The following SAMD12 variants were observed in gnomAD, a reference collection of about 807,000 sequenced individuals.
The protein encoded by SAMD12 is sterile alpha motif domain containing 12, also known as sterile alpha motif domain-containing protein 12.
In SAMD12, 9 loss-of-function variants were observed where a neutral mutation model predicts 15.0. That is an observed-to-expected ratio of 0.60 (90% confidence interval 0.36 to 1.05). The LOEUF (loss-of-function observed/expected upper bound fraction) is 1.05, where lower values mean the gene tolerates loss of function less well. Among genes scored for constraint, SAMD12 ranks in the 50% least tolerant of loss-of-function variants. The pLI is 0.01. For synonymous variants in SAMD12, 86 were observed against 90.1 expected (o/e 0.96, Z 0.25); for missense variants, 230 against 234.2 (o/e 0.98, Z 0.12).
chr8:118,205,946 C>A (rs765764242), intron 4 of SAMD12, among the ~76,000 whole-genome samples: 7 of 152,322 alleles, frequency 4.6e-5, no homozygotes, highest in African/African-American at 9.6e-5. Flanking sequence ...TGTATTTGCT[C>A]ACTTACTGTT....
intron 2 of SAMD12, among the ~76,000 whole-genome samples, chr8:118,580,180 T>C (rs886271483): frequency 2.0e-5 from 3 of 152,210 alleles, no homozygotes; most frequent in African/African-American, 7.2e-5. Context: ...TCAAGAGTCC[T>C]TCAAACAGTA....
At chr8:118,187,147 C>T (rs369860720), downstream of SAMD12, among the ~76,000 whole-genome samples, 1 of 152,158 alleles carries the variant, frequency 6.6e-6, no homozygotes, top group Non-Finnish European at 1.5e-5. Context: ...AGAAAGGGAA[C>T]ATCATCAACT....
In SAMD12 at chr8:118,531,154, C is replaced by A. The variant is rs147788094; in HGVS notation, c.192+49561G>T. On this transcript the variant is annotated intron_variant, in intron 2 of 3. Coordinates refer to ENST00000314727, the MANE Select transcript of SAMD12 (RefSeq NM_207506.3). ...TTTCAGCTTTCTACATATGGCTAGC[C>A]AGTTTTCCCAGCACCATTTATTCAA... Among the ~76,000 whole-genome samples, 594 of 152,306 alleles carry A rather than the reference C, an allele frequency of 3.9e-3. 3 individuals carry two copies. Among genetic ancestry groups the A allele is most frequent in the Middle Eastern group, 0.017 (5 of 294 alleles).
chr8:118,176,046 A>G, the SAMD12 span, among the ~76,000 whole-genome samples: 4 of 152,336 alleles, frequency 2.6e-5, no homozygotes, highest in South Asian at 8.3e-4. Context: ...TCACGCCTGC[A>G]ATCCCAGCGC....
At chr8:118,282,183 C>CTTT in intron 4 of SAMD12, 1 of 416,220 alleles carries the variant, frequency 2.4e-6, no homozygotes, top group Non-Finnish European at 4.7e-6. Flanking sequence ...GATTACTTCC[C>CTTT]TTTTTTCTTT....
the SAMD12 span, among the ~76,000 whole-genome samples, chr8:118,171,044 T>C: frequency 6.6e-6 from 1 of 152,184 alleles, no homozygotes; most frequent in African/African-American, 2.4e-5. Context: ...AAGGAAAATA[T>C]ACAAATGATC....
At chr8:118,188,564 CT>C (rs1226679530), downstream of SAMD12, among the ~76,000 whole-genome samples, 2 of 152,042 alleles carry the variant, frequency 1.3e-5, no homozygotes, top group Admixed American at 6.6e-5. Context: ...TGTCTCCTTT[CT>C]TTTTTATGCA....
chr8:118,567,431 T>C (rs758519120), intron 2 of SAMD12, among the ~76,000 whole-genome samples: 2 of 152,154 alleles, frequency 1.3e-5, no homozygotes, highest in African/African-American at 2.4e-5. Flanking sequence ...ATGTGTAGGG[T>C]TAATCCTTCC....
At chr8:118,589,697 A>G (rs539484502) in intron 1 of SAMD12, among the ~76,000 whole-genome samples, 1 of 152,334 alleles carries the variant, frequency 6.6e-6, no homozygotes, top group South Asian at 2.1e-4. Flanking sequence ...TAAGTGGTCT[A>G]CACTGGTGAC....
intron 4 of SAMD12, among the ~76,000 whole-genome samples, chr8:118,264,705 T>C (rs1361111139): frequency 6.6e-6 from 1 of 152,126 alleles, no homozygotes; most frequent in African/African-American, 2.4e-5. Context: ...CACCAAAGGT[T>C]ACATATCACT....
intron 4 of SAMD12, among the ~76,000 whole-genome samples, chr8:118,227,100 G>T (rs1260167114): frequency 6.6e-6 from 1 of 152,068 alleles, no homozygotes; most frequent in Non-Finnish European, 1.5e-5. Context: ...ACAATAGCAA[G>T]ACATGGAATC....
At chr8:118,361,717 A>G (rs925514799) in intron 4 of SAMD12, among the ~76,000 whole-genome samples, 2 of 152,216 alleles carry the variant, frequency 1.3e-5, no homozygotes, top group Non-Finnish European at 2.9e-5. Context: ...GTATATTTAT[A>G]TGCACCTAGA....
chr8:118,176,212 A>T, the SAMD12 span, among the ~76,000 whole-genome samples: 1,564 of 152,282 alleles, frequency 0.01, 27 homozygotes, highest in African/African-American at 0.033. Flanking sequence ...GAGGCAGGAG[A>T]ATTGCTTGAA....
chr8:118,175,995 A>G, the SAMD12 span, among the ~76,000 whole-genome samples: 1 of 152,320 alleles, frequency 6.6e-6, no homozygotes, highest in Admixed American at 6.5e-5. Flanking sequence ...CACTTGATAT[A>G]TACCCAACAG....
intron 2 of SAMD12, among the ~76,000 whole-genome samples, chr8:118,448,822 T>C (rs991412952): frequency 6.6e-6 from 1 of 152,264 alleles, no homozygotes; most frequent in Non-Finnish European, 1.5e-5. Flanking sequence ...CTGTGGGCCT[T>C]GGGCTGGTCA....
chr8:118,503,566 GTGGCCACT>G (rs1343199006), intron 2 of SAMD12, among the ~76,000 whole-genome samples: 1 of 152,126 alleles, frequency 6.6e-6, no homozygotes, highest in Non-Finnish European at 1.5e-5. Flanking sequence ...CCACAGATAG[GTGGCCACT>G]TGTTTCAGGA....
chr8:118,522,024 A>C (rs1825400500), intron 2 of SAMD12, among the ~76,000 whole-genome samples: 1 of 152,118 alleles, frequency 6.6e-6, no homozygotes, highest in Admixed American at 6.6e-5. Context: ...ATATGGTAAT[A>C]CAACATAACA....
At chr8:118,330,475 T>G (rs1816760398) in intron 4 of SAMD12, among the ~76,000 whole-genome samples, 1 of 152,088 alleles carries the variant, frequency 6.6e-6, no homozygotes, top group African/African-American at 2.4e-5. Flanking sequence ...GTCCCAAACA[T>G]GGAATGAAGA....
At chr8:118,596,966 GA>G (rs1827738926) in intron 1 of SAMD12, among the ~76,000 whole-genome samples, 1 of 152,184 alleles carries the variant, frequency 6.6e-6, no homozygotes, top group South Asian at 2.1e-4. Flanking sequence ...TAGGGGTCTA[GA>G]AAAGCTTTAC....
Sources: gnomAD v4.1 joint callset for allele counts (sites outside exome capture counted in the v4.1 genomes callset) on GRCh38, gnomAD v4.1.1 for gene constraint, MANE v1.5 for transcripts, NCBI Gene and HGNC (gene_info 2026-07-23, HGNC 2026-07-21) for gene names.